Variants in GOLGB1 observed in about 807,000 individuals in gnomAD.
GOLGB1 encodes the protein golgin subfamily B member 1.
Under a neutral mutation model 336.9 loss-of-function variants are expected in GOLGB1, and 174 were observed. The ratio of observed to expected loss-of-function variants is 0.52; its 90% confidence interval spans 0.46 to 0.59. GOLGB1 has a LOEUF of 0.59. Among genes scored for constraint, GOLGB1 ranks in the 20% least tolerant of loss-of-function variants. The pLI is 0.00. For missense variants in GOLGB1, 3,331 were observed against 3,645.3 expected (o/e 0.91, Z 2.22); for synonymous variants, 1,208 against 1,289.2 (o/e 0.94, Z 1.35).
intron 10 of GOLGB1, 37 bp downstream of exon 10, chr3:121,714,824 A>C (rs1329657171): frequency 1.6e-6 from 2 of 1,228,742 alleles, no homozygotes; most frequent in South Asian, 2.4e-5. Context: ...AGCAAAGACA[A>C]ACAGTTAATA....
At chr3:121,668,200 T>G in intron 18 of GOLGB1, 42 bp from the exon 19 acceptor site, 1 of 1,190,406 alleles carries the variant, frequency 8.4e-7, no homozygotes, top group Non-Finnish European at 1.2e-6. Flanking sequence ...ATGAAAGCTC[T>G]TAAGAAAGTG....
At position 121,743,383 on chromosome 3, in the gene GOLGB1, A is replaced by G. The variant is rs187613092; in HGVS notation, c.-3+6249T>C. Reference sequence around the variant, plus strand: ...CACAAGGACAGAAATCAAACACCGCATGTTCTCACTCATAGGTGGGAATTG... The same window carrying G: ...CACAAGGACAGAAATCAAACACCGCGTGTTCTCACTCATAGGTGGGAATTG... On this transcript the variant is annotated intron_variant, in intron 1 of 21. Transcript: ENST00000614479. Among the ~76,000 whole-genome samples the G allele has an allele frequency of 4.7e-4, 72 of 152,340 alleles. 1 individual carries two copies. In the East Asian group the frequency reaches 0.012, roughly 26 times the overall value.
In GOLGB1 at chr3:121,667,476, C is replaced by T. The variant is rs781135231; in HGVS notation, c.9554G>A (p.Arg3185Gln). The T allele has an allele frequency of 2.5e-6, 4 of 1,613,482 alleles. No homozygotes were observed. Among genetic ancestry groups the T allele is most frequent in the African/African-American group, 1.3e-5 (1 of 74,912 alleles). Reference protein sequence around the residue: ...ALSVAEEQIRRLEHSEWDSSR... With the variant: ...ALSVAEEQIRQLEHSEWDSSR... ...AGAGGCTATCTCCTTCAGCCTTTAC[C>T]GTCTGATCTGCTCCTCGGCCACAGA... The change falls in exon 20 of 22, where the codon CGG (arginine) becomes CAG (glutamine). Residue 3185 changes from arginine (R) to glutamine (Q), a missense_variant and splice_region_variant. Coordinates refer to ENST00000614479, the MANE Select transcript of GOLGB1 (RefSeq NM_001366282.2).
intron 1 of GOLGB1, among the ~76,000 whole-genome samples, chr3:121,731,867 T>C (rs1428194448): frequency 6.6e-6 from 1 of 151,762 alleles, no homozygotes; most frequent in African/African-American, 2.4e-5. Flanking sequence ...AAATAGAGAA[T>C]ATCAATAAAA....
intron 10 of GOLGB1, among the ~76,000 whole-genome samples, chr3:121,707,473 A>AC (rs1357690048): frequency 2.0e-5 from 3 of 151,390 alleles, no homozygotes; most frequent in African/African-American, 7.3e-5. Context: ...TAAAAGCAAA[A>AC]AAAAAAAAAA....
chr3:121,719,960 C>T (rs1027228930), intron 6 of GOLGB1, among the ~76,000 whole-genome samples, 192 bp from the exon 7 acceptor site: 2 of 152,032 alleles, frequency 1.3e-5, no homozygotes, highest in African/African-American at 4.8e-5. Context: ...CGAGAGAAAG[C>T]CTATTTTCAA....
chr3:121,663,687 G>C lies in GOLGB1; in HGVS notation c.*793C>G, dbSNP rs1297567436. 1 of 152,024 alleles carries C rather than the reference G, an allele frequency of 6.6e-6. No individual in the cohort carries two copies. The highest frequency in any genetic ancestry group is 1.5e-5 in the Non-Finnish European group (1 of 68,016). 9.4% of individuals were successfully genotyped at this position (152,024 alleles called of 1,614,324 possible). ...GCACTGTCTCAGGGTCCACATTCCA[G>C]GAATATTCAGATATTCCTGGAATGA... is the stretch of plus-strand genomic sequence containing the variant. On this transcript the variant is annotated 3_prime_UTR_variant, in exon 22 of 22. Coordinates refer to ENST00000614479, the MANE Select transcript of GOLGB1 (RefSeq NM_001366282.2).
chr3:121,691,679 A>C lies in GOLGB1; in HGVS notation c.7685T>G (p.Val2562Gly). The change falls in exon 14 of 22, where the codon GTT becomes GGT. Residue 2562 changes from valine (V) to glycine (G), a missense_variant. Coordinates refer to ENST00000614479, the MANE Select transcript of GOLGB1 (RefSeq NM_001366282.2). ...KDSQQKQLLE[V>G]QLQQNKELEN... The stretch of plus-strand genomic sequence containing the variant: ...CAGCTCCTTATTTTGCTGAAGTTGA[A>C]CTTCAAGAAGCTGCTTTTGTTGGCT... 6.2e-7 allele frequency: 1 copy of C among 1,611,060 alleles called. No homozygotes were observed. The highest frequency in any genetic ancestry group is 8.5e-7 in the Non-Finnish European group (1 of 1,179,348).
intron 4 of GOLGB1, among the ~76,000 whole-genome samples, chr3:121,728,894 C>T (rs889740198): frequency 6.6e-6 from 1 of 151,892 alleles, no homozygotes; most frequent in African/African-American, 2.4e-5. Flanking sequence ...GGTATGTTTC[C>T]CTCCTCTCTA....
intron 1 of GOLGB1, among the ~76,000 whole-genome samples, chr3:121,739,188 C>T (rs904603342): frequency 1.3e-5 from 2 of 151,956 alleles, no homozygotes; most frequent in Non-Finnish European, 2.9e-5. Flanking sequence ...CTGCTTGAGC[C>T]CAAGAGGTGG....
At chr3:121,729,810 T>C in intron 3 of GOLGB1, 55 bp downstream of exon 3, 1 of 1,282,614 alleles carries the variant, frequency 7.8e-7, no homozygotes, top group Non-Finnish European at 1.1e-6. Context: ...AAGTGAGTAG[T>C]GTATCATCTG....
At chr3:121,716,529 T>C (rs1215957374) in intron 9 of GOLGB1, among the ~76,000 whole-genome samples, 5 of 152,230 alleles carry the variant, frequency 3.3e-5, no homozygotes, top group African/African-American at 9.6e-5. Context: ...ATTTTTAGTA[T>C]TGTAATGATA....
Position 121,695,404 on chromosome 3 carries a change from C to G in GOLGB1, c.5119G>C (p.Glu1707Gln), listed in dbSNP as rs1942850820. 1.9e-6 allele frequency: 3 copies of G among 1,613,968 alleles called. No individual in the cohort carries two copies. The highest frequency in any genetic ancestry group is 1.6e-4 in the Middle Eastern group (1 of 6,084). Reference sequence around the variant, plus strand: ...GCTGTATCTCCTGCAGGGTGCACCTCTGCCCTAAGCCGGTCATTCTCTTCT... The same window carrying G: ...GCTGTATCTCCTGCAGGGTGCACCTGTGCCCTAAGCCGGTCATTCTCTTCT... ...LEEENDRLRA[E>Q]VHPAGDTAKE... Residue 1707 changes from glutamate to glutamine, a missense_variant, in exon 13 of 22, where the codon GAG (glutamate) becomes CAG (glutamine). Glu to Gln is a conservative substitution (Grantham distance 29). Transcript: ENST00000614479.
At chr3:121,724,672 A>G (rs1945439085) in intron 5 of GOLGB1, among the ~76,000 whole-genome samples, 2 of 152,214 alleles carry the variant, frequency 1.3e-5, no homozygotes, top group Admixed American at 6.5e-5. Context: ...AAAGAAATTA[A>G]CACGGCTAAA....
At chr3:121,749,061 CTT>C (rs1947574753) in intron 1 of GOLGB1, 1 of 227,906 alleles carries the variant, frequency 4.4e-6, no homozygotes, top group Non-Finnish European at 7.3e-6. Context: ...TCTTTCCTCT[CTT>C]CTCATCTTTC....
intron 1 of GOLGB1, chr3:121,749,263 T>G (rs1442661986): frequency 6.6e-6 from 1 of 152,376 alleles, no homozygotes; most frequent in African/African-American, 2.4e-5. Context: ...AGCGGCTGCG[T>G]ACGGAGGCCG....
chr3:121,695,313 T>G lies in GOLGB1; in HGVS notation c.5210A>C (p.Lys1737Thr). ...CTTAGAAAGGGTTTCATACTCCATT[T>G]TGACCCTTTCAAGTTCTTCCTTCAT... ...ASMKEELERV[K>T]MEYETLSKKF... Residue 1737 changes from lysine to threonine, a missense_variant, in exon 13 of 22, where the codon AAA (lysine) becomes ACA (threonine). Transcript: ENST00000614479. 2 of 1,614,086 alleles carry G rather than the reference T, an allele frequency of 1.2e-6. No homozygotes were observed. The highest frequency in any genetic ancestry group is 1.7e-6 in the Non-Finnish European group (2 of 1,179,984).
chr3:121,698,181 G>T lies in GOLGB1; in HGVS notation c.2342C>A (p.Ala781Glu). 6.2e-7 allele frequency: 1 copy of T among 1,613,734 alleles called. No individual in the cohort carries two copies. The highest frequency in any genetic ancestry group is 8.5e-7 in the Non-Finnish European group (1 of 1,179,948). Residue 781 changes from alanine (A) to glutamate (E), a missense_variant, in exon 13 of 22, where the codon GCA (alanine) becomes GAA (glutamate). By Grantham distance (107) the Ala-to-Glu change is moderately radical. Coordinates refer to ENST00000614479, the MANE Select transcript of GOLGB1 (RefSeq NM_001366282.2). ...VKQLEMNLAE[A>E]ERQRRLDYES... ...ATAATCAAGTCTTCTTTGCCTTTCT[G>T]CTTCTGCAAGGTTCATTTCCAGTTG...
At position 121,696,712 on chromosome 3, in the gene GOLGB1, G is replaced by T; in HGVS notation, c.3811C>A (p.Pro1271Thr). Reference sequence around the variant, plus strand: ...TGCTGTTCTGTGGCTTTGAATAAAGGTTCTTCTAAACCTGGAGTGGAAGAA... The same window carrying T: ...TGCTGTTCTGTGGCTTTGAATAAAGTTTCTTCTAAACCTGGAGTGGAAGAA... ...SCSSTPGLEE[P>T]LFKATEQHHT... Residue 1271 changes from proline (P) to threonine (T), a missense_variant, in exon 13 of 22, where the codon CCT becomes ACT. By Grantham distance (38) the Pro-to-Thr change is conservative. Transcript: ENST00000614479. 6.2e-7 allele frequency: 1 copy of T among 1,614,090 alleles called. No homozygotes were observed.
Sources: gnomAD v4.1 joint callset for allele counts (sites outside exome capture counted in the v4.1 genomes callset) on GRCh38, gnomAD v4.1.1 for gene constraint, MANE v1.5 for transcripts, NCBI Gene and HGNC (gene_info 2026-07-23, HGNC 2026-07-21) for gene names.